Variants in GFRA1 observed in about 807,000 individuals in gnomAD.
The protein encoded by GFRA1 is GDNF family receptor alpha-1.
A neutral mutation model predicts 51.6 loss-of-function variants in GFRA1; 16 were observed. The observed-to-expected ratio is 0.31, with a 90% CI of 0.21 to 0.47. The LOEUF (loss-of-function observed/expected upper bound fraction) is 0.47. GFRA1 is among the 20% of genes least tolerant of loss of function. GFRA1 has a pLI of 1.00. For missense variants in GFRA1, 530 were observed against 594.3 expected (o/e 0.89, Z 1.13); for synonymous variants, 270 against 241.3 (o/e 1.12, Z -1.10).
chr10:116,208,196 G>C (rs1342715580), intron 5 of GFRA1, among the ~76,000 whole-genome samples: 1 of 151,896 alleles, frequency 6.6e-6, no homozygotes, highest in Non-Finnish European at 1.5e-5. Flanking sequence ...TCCTCCCCCA[G>C]ATACTTCAGT....
chr10:116,135,395 T>C (rs1958281086), intron 5 of GFRA1, among the ~76,000 whole-genome samples: 3 of 152,226 alleles, frequency 2.0e-5, no homozygotes, highest in Admixed American at 2.0e-4. Flanking sequence ...TCTCAGCCTG[T>C]CTCTTCGCAA....
At chr10:116,206,372 A>G (rs1008089775) in intron 5 of GFRA1, among the ~76,000 whole-genome samples, 7 of 152,174 alleles carry the variant, frequency 4.6e-5, no homozygotes, top group African/African-American at 7.2e-5. Flanking sequence ...AGTTTGACCC[A>G]TAAGTTTGAA....
chr10:116,089,885 C>A lies in GFRA1; in HGVS notation c.1053G>T (p.Val351=). 6.2e-7 allele frequency: 1 copy of A among 1,613,994 alleles called. No homozygotes were observed. The highest frequency in any genetic ancestry group is 1.1e-5 in the South Asian group (1 of 91,052). ...AIQAFGNGSD[V]TVWQPAFPVQ... The stretch of plus-strand genomic sequence containing the variant: ...CTGGGAAGGCTGGCTGCCACACGGT[C>A]ACATCGGAGCCATTGCCAAAGGCTT... The change falls in exon 9 of 11, where the codon GTG becomes GTT. Residue 351 remains valine (V), a synonymous_variant. Coordinates refer to ENST00000355422, the MANE Select transcript of GFRA1 (RefSeq NM_005264.8).
chr10:116,224,610 G>C (rs1338330629), intron 4 of GFRA1, among the ~76,000 whole-genome samples: 1 of 152,096 alleles, frequency 6.6e-6, no homozygotes, highest in African/African-American at 2.4e-5. Flanking sequence ...CGTATTGTGT[G>C]GTTCTATTTA....
chr10:116,181,889 C>T (rs747325897), intron 5 of GFRA1, among the ~76,000 whole-genome samples: 2 of 152,172 alleles, frequency 1.3e-5, no homozygotes, highest in African/African-American at 2.4e-5. Context: ...GTGATCCACC[C>T]GCCTCGGCCT....
At position 116,061,812 on chromosome 10, in the gene GFRA1, C is replaced by T; in HGVS notation, c.*2586G>A. The T allele has an allele frequency of 2.5e-6, 1 of 395,786 alleles. No homozygotes were observed. The highest frequency in any genetic ancestry group is 4.4e-6 in the Non-Finnish European group (1 of 224,786). The allele number at this position is 395,786 out of a possible 1,614,324, so 24.5% of individuals were successfully genotyped here. Reference sequence around the variant, plus strand: ...GGTAAATGATTTAACTTATTGTGCTCCAGTTCTGGGGCAAATGATGGTGTT... The same window carrying T: ...GGTAAATGATTTAACTTATTGTGCTTCAGTTCTGGGGCAAATGATGGTGTT... On this transcript the variant is annotated 3_prime_UTR_variant, in exon 11 of 11. Transcript: ENST00000355422.
intron 5 of GFRA1, among the ~76,000 whole-genome samples, chr10:116,136,990 T>C (rs553706847): frequency 6.0e-4 from 91 of 152,270 alleles, no homozygotes; most frequent in African/African-American, 2.0e-3. Flanking sequence ...CCAAAGATGG[T>C]CCAGGAATAA....
rs900680913 is a variant in GFRA1 at position 116,239,428 on chromosome 10, T to G, written c.419-27783A>C. On this transcript the variant is annotated intron_variant, in intron 4 of 10. Coordinates refer to ENST00000355422, the MANE Select transcript of GFRA1 (RefSeq NM_005264.8). ...GGAAGTACAGTGTCTAAAGGTCTTT[T>G]GGGAAAATAAATAATGGAAATTTTG... is the stretch of plus-strand genomic sequence containing the variant. Among the ~76,000 whole-genome samples, 3 of 152,212 alleles carry G rather than the reference T, an allele frequency of 2.0e-5. 1 individual carries two copies. Among genetic ancestry groups the G allele is most frequent in the South Asian group, 4.1e-4 (2 of 4,832 alleles).
intron 5 of GFRA1, among the ~76,000 whole-genome samples, chr10:116,126,144 G>A (rs1957864389): frequency 6.6e-6 from 1 of 152,234 alleles, no homozygotes; most frequent in South Asian, 2.1e-4. Context: ...GGCGTTGGAA[G>A]AAAACCAGGA....
intron 9 of GFRA1, among the ~76,000 whole-genome samples, chr10:116,075,912 T>C (rs1232993798): frequency 2.0e-5 from 3 of 151,850 alleles, no homozygotes; most frequent in Non-Finnish European, 2.9e-5. Context: ...GCCCGGCTAA[T>C]TTTTTGTATT....
chr10:116,178,983 C>T (rs1466017917), intron 5 of GFRA1, among the ~76,000 whole-genome samples: 2 of 152,168 alleles, frequency 1.3e-5, no homozygotes, highest in Admixed American at 1.3e-4. Context: ...TACCTGCTAC[C>T]TGGTTGGATC....
At chr10:116,217,708 C>A (rs1965654751) in intron 4 of GFRA1, among the ~76,000 whole-genome samples, 1 of 152,126 alleles carries the variant, frequency 6.6e-6, no homozygotes, top group Admixed American at 6.5e-5. Flanking sequence ...CCTGTGTGAT[C>A]TTGGGCAAGT....
chr10:116,178,725 G>A (rs1418240070), intron 5 of GFRA1, among the ~76,000 whole-genome samples: 3 of 152,236 alleles, frequency 2.0e-5, no homozygotes, highest in South Asian at 2.1e-4. Context: ...AGCCCTGAGC[G>A]AGGCTGGAGA....
chr10:116,221,933 G>A (rs1243755246), intron 4 of GFRA1, among the ~76,000 whole-genome samples: 6 of 152,106 alleles, frequency 3.9e-5, no homozygotes, highest in Non-Finnish European at 8.8e-5. Context: ...GTAAGGTAAG[G>A]ACATGGGGAA....
At chr10:116,178,190 G>T (rs981190080) in intron 5 of GFRA1, among the ~76,000 whole-genome samples, 1 of 151,724 alleles carries the variant, frequency 6.6e-6, no homozygotes, top group African/African-American at 2.4e-5. Flanking sequence ...GAAACTGGGA[G>T]GTTTTCAAAT....
chr10:116,111,484 G>C (rs1957210390), intron 6 of GFRA1, among the ~76,000 whole-genome samples: 1 of 152,158 alleles, frequency 6.6e-6, no homozygotes, highest in Non-Finnish European at 1.5e-5. Flanking sequence ...TGTTGTCCCT[G>C]CCCGCAGCTA....
At chr10:116,169,041 C>T (rs964220803) in intron 5 of GFRA1, among the ~76,000 whole-genome samples, 51 of 152,304 alleles carry the variant, frequency 3.3e-4, no homozygotes, top group African/African-American at 1.2e-3. Context: ...GGGCAGTGGG[C>T]TGGGCCCCAT....
intron 5 of GFRA1, among the ~76,000 whole-genome samples, chr10:116,192,463 G>A (rs931108063): frequency 2.0e-5 from 3 of 152,120 alleles, no homozygotes; most frequent in Admixed American, 6.5e-5. Context: ...CCCCACTTTC[G>A]GGGTCATTCC....
intron 5 of GFRA1, among the ~76,000 whole-genome samples, chr10:116,199,022 G>T (rs1964120925): frequency 6.6e-6 from 1 of 152,132 alleles, no homozygotes; most frequent in South Asian, 2.1e-4. Context: ...GCAGCCACAG[G>T]CCAGGGAATA....
Sources: allele counts gnomAD v4.1 joint callset (sites outside exome capture counted in the v4.1 genomes callset), GRCh38; gene constraint gnomAD v4.1.1; transcripts MANE v1.5; gene names NCBI Gene and HGNC (gene_info 2026-07-23, HGNC 2026-07-21).